The following ELF2 variants were observed in gnomAD, a reference collection of about 807,000 sequenced individuals.
ELF2 encodes ETS-related transcription factor Elf-2.
In ELF2, 11 loss-of-function variants were observed where a neutral mutation model predicts 54.8. That is an observed-to-expected ratio of 0.20 (90% confidence interval 0.13 to 0.33). ELF2 has a LOEUF of 0.33. Ranked by LOEUF, ELF2 falls within the 10% of genes least tolerant of loss-of-function variation. The probability of loss-of-function intolerance (pLI) is 1.00; values close to 1 mark genes in which losing one functional copy is unlikely to be tolerated. For synonymous variants in ELF2, 203 were observed against 245.1 expected (o/e 0.83, Z 1.61); for missense variants, 513 against 703.0 (o/e 0.73, Z 3.06).
chr4:139,067,601 G>C, intron 7 of ELF2, 83 bp downstream of exon 7: 1 of 1,400,796 alleles, frequency 7.1e-7, no homozygotes, highest in Non-Finnish European at 1.0e-6. Context: ...GCATGTACTA[G>C]AAATAGTTTT....
At position 139,058,785 on chromosome 4, in the gene ELF2, T is replaced by C. The variant is rs1037952816; in HGVS notation, c.*198A>G. ...TGTTTCCTACTGTAAGAGGCAGTTT[T>C]CTGTCAGCATCTCAATATGTAGTTC... On this transcript the variant is annotated 3_prime_UTR_variant, in exon 10 of 10. Coordinates refer to ENST00000686138, the MANE Select transcript of ELF2 (RefSeq NM_001331036.3). 19 of 692,938 alleles carry C rather than the reference T, an allele frequency of 2.7e-5. No individual in the cohort carries two copies. In the African/African-American group the frequency reaches 2.7e-4, roughly 10 times the overall value. The allele number at this position is 692,938 out of a possible 1,614,324, so 42.9% of individuals were successfully genotyped here. A position where few individuals can be genotyped will look rare whatever the true frequency, so the allele number is the denominator to read the frequency against.
chr4:139,108,620 C>A (rs1038318995), intron 4 of ELF2, among the ~76,000 whole-genome samples: 1 of 151,636 alleles, frequency 6.6e-6, no homozygotes, highest in Admixed American at 6.6e-5. Flanking sequence ...AAAAAAAATT[C>A]TGTGCTTTCT....
intron 3 of ELF2, 147 bp from the exon 4 acceptor site, chr4:139,125,476 A>G (rs1288891077): frequency 1.2e-6 from 1 of 847,478 alleles, no homozygotes; most frequent in Non-Finnish European, 1.7e-6. Flanking sequence ...AAAACAAGAG[A>G]TGAAAAGGGC....
At chr4:139,111,686 G>C (rs79672474) in intron 4 of ELF2, among the ~76,000 whole-genome samples, 1 of 152,092 alleles carries the variant, frequency 6.6e-6, no homozygotes, top group Non-Finnish European at 1.5e-5. Context: ...AATGGGCATG[G>C]ACAATGGATA....
rs187841071 is a variant in ELF2 at position 139,095,050 on chromosome 4, T to C, written c.239-21483A>G. ...AGTCATCTGTAAATAATAACAATTT[T>C]GTTTCTTCTCTTCTGATCTTTATGC... On this transcript the variant is annotated intron_variant, in intron 4 of 9. Coordinates refer to ENST00000686138, the MANE Select transcript of ELF2 (RefSeq NM_001331036.3). 3.0e-3 allele frequency among the ~76,000 whole-genome samples: 453 copies of C among 152,308 alleles called. 1 individual carries two copies. Among genetic ancestry groups the C allele is most frequent in the African/African-American group, 0.011 (442 of 41,566 alleles).
chr4:139,108,663 C>CA (rs1229327797), intron 4 of ELF2, among the ~76,000 whole-genome samples: 1 of 151,790 alleles, frequency 6.6e-6, no homozygotes, highest in Non-Finnish European at 1.5e-5. Flanking sequence ...AAAGCACACT[C>CA]AAAATAGCAG....
chr4:139,118,912 A>C (rs1736033311), intron 4 of ELF2, among the ~76,000 whole-genome samples: 1 of 148,634 alleles, frequency 6.7e-6, no homozygotes, highest in African/African-American at 2.5e-5. Context: ...AACACTCTGA[A>C]AAGGTTAAAT....
At chr4:139,114,065 CTTCAT>C (rs1485593313) in intron 4 of ELF2, among the ~76,000 whole-genome samples, 1 of 151,966 alleles carries the variant, frequency 6.6e-6, no homozygotes, top group Non-Finnish European at 1.5e-5. Context: ...AAAGCAGAAG[CTTCAT>C]TTCATTTTCT....
intron 1 of ELF2, among the ~76,000 whole-genome samples, chr4:139,160,299 A>G (rs1474323378): frequency 2.0e-5 from 3 of 152,222 alleles, no homozygotes; most frequent in Non-Finnish European, 4.4e-5. Context: ...TTCTAAGAAT[A>G]GCTATCTCAG....
At chr4:139,065,505 T>G (rs776997087) in intron 7 of ELF2, among the ~76,000 whole-genome samples, 5 of 152,150 alleles carry the variant, frequency 3.3e-5, no homozygotes, top group Non-Finnish European at 5.9e-5. Context: ...AAATTATATT[T>G]CTGGTTTTAG....
intron 1 of ELF2, among the ~76,000 whole-genome samples, chr4:139,146,931 T>C (rs1739278291): frequency 6.6e-6 from 1 of 152,000 alleles, no homozygotes; most frequent in Non-Finnish European, 1.5e-5. Context: ...TCCTAGAAGA[T>C]AACCTAGAAA....
chr4:139,114,561 T>TCACACACACACACACACACACA (rs776035411), intron 4 of ELF2, among the ~76,000 whole-genome samples: 9 of 108,646 alleles, frequency 8.3e-5, no homozygotes, highest in African/African-American at 2.5e-4. Context: ...GACTTCAGTC[T>TCACACACACACACACACACACA]CACACACACA....
intron 6 of ELF2, among the ~76,000 whole-genome samples, chr4:139,069,947 C>A (rs1484382203): frequency 6.6e-6 from 1 of 151,570 alleles, no homozygotes; most frequent in Non-Finnish European, 1.5e-5. Context: ...CTTAAGTGAT[C>A]CTCCTGCCTC....
At chr4:139,089,595 C>T (rs1201088302) in intron 4 of ELF2, among the ~76,000 whole-genome samples, 2 of 152,104 alleles carry the variant, frequency 1.3e-5, no homozygotes, top group African/African-American at 4.8e-5. Context: ...TTTACATGCT[C>T]TAGGTACATA....
At chr4:139,097,932 T>C (rs1733459937) in intron 4 of ELF2, among the ~76,000 whole-genome samples, 1 of 152,204 alleles carries the variant, frequency 6.6e-6, no homozygotes, top group Non-Finnish European at 1.5e-5. Context: ...TTGCCTGGCT[T>C]CAAGTGATCC....
At chr4:139,111,446 C>T (rs1263266273) in intron 4 of ELF2, among the ~76,000 whole-genome samples, 1 of 150,950 alleles carries the variant, frequency 6.6e-6, no homozygotes, top group African/African-American at 2.4e-5. Flanking sequence ...ACTCCTGGGA[C>T]TGCAAGGAGT....
At chr4:139,075,184 T>C (rs1730116078) in intron 4 of ELF2, among the ~76,000 whole-genome samples, 1 of 152,254 alleles carries the variant, frequency 6.6e-6, no homozygotes, top group South Asian at 2.1e-4. Context: ...ATGTTACTTG[T>C]AAAACAATGT....
rs778955023 is a variant in ELF2, at chr4:139,062,045, T to C, written c.626A>G (p.Tyr209Cys). Residue 209 changes from tyrosine to cysteine, a missense_variant, in exon 8 of 10, where the codon TAT becomes TGT. Physicochemically the swap from Tyr to Cys is radical, Grantham distance 194. Transcript: ENST00000686138. ...KPREGKGNTT[Y>C]LWEFLLDLLQ... ...TAGATCTAAAAGAAACTCCCACAAA[T>C]AGGTTGTGTTTCCTTTAAAAACAAT... 4.3e-6 allele frequency: 7 copies of C among 1,613,002 alleles called. No individual in the cohort carries two copies. In the South Asian group the frequency reaches 5.5e-5, roughly 13 times the overall value.
At chr4:139,089,312 TA>T (rs1732340387) in intron 4 of ELF2, among the ~76,000 whole-genome samples, 1 of 152,182 alleles carries the variant, frequency 6.6e-6, no homozygotes, top group Admixed American at 6.5e-5. Flanking sequence ...TAGGGGGATT[TA>T]AACCACACAG....
Sources: gnomAD v4.1 joint callset for allele counts (sites outside exome capture counted in the v4.1 genomes callset) on GRCh38, gnomAD v4.1.1 for gene constraint, MANE v1.5 for transcripts, NCBI Gene and HGNC (gene_info 2026-07-23, HGNC 2026-07-21) for gene names.